The following CARD9 variants were observed in gnomAD, a reference collection of about 807,000 sequenced individuals.
CARD9 encodes the protein caspase recruitment domain-containing protein 9.
A neutral mutation model predicts 66.0 loss-of-function variants in CARD9; 53 were observed. The ratio of observed to expected loss-of-function variants is 0.80; its 90% CI spans 0.64 to 1.01. The LOEUF (loss-of-function observed/expected upper bound fraction) is 1.01. Among genes scored for constraint, CARD9 ranks in the 50% least tolerant of loss-of-function variants. CARD9 has a pLI of 0.00. For missense variants in CARD9, 769 were observed against 743.2 expected, an observed-to-expected ratio of 1.03 and a Z score of -0.40; for synonymous variants, 387 against 313.8, an observed-to-expected ratio of 1.23 and a Z score of -2.47.
rs1372834289 is a variant in CARD9, at chr9:136,367,659, T to C, written c.1247A>G (p.Gln416Arg). The change falls in exon 8 of 13, where the codon CAG (glutamine) becomes CGG (arginine). Residue 416 changes from glutamine (Q) to arginine (R), a missense_variant. Gln to Arg is a conservative substitution (Grantham distance 43). Transcript: ENST00000371732. The part of the protein sequence containing the change: ...LLAVEGRLRR[Q>R]QLETLVLSSD... ...CACCAGGACGAGCGTCTCCAGCTGC[T>C]GCCGCCTGAGCCTGCCCTCCACGGC... 2 of 1,594,162 alleles carry C rather than the reference T, an allele frequency of 1.3e-6. No homozygotes were observed. The highest frequency in any genetic ancestry group is 1.3e-5 in the African/African-American group (1 of 74,944).
Position 136,371,957 on chromosome 9 carries a change from T to C in CARD9, c.122A>G (p.Asn41Ser). The C allele has an allele frequency of 6.2e-7, 1 of 1,612,378 alleles. No individual in the cohort carries two copies. Among genetic ancestry groups the C allele is most frequent in the Non-Finnish European group, 8.5e-7 (1 of 1,179,576 alleles). ...GAGCACCTGCTCCTCATCATCGGGGTTCAGGACCTTGCACTGCCGCAGGTA... is the reference window on the plus strand; with the variant it reads ...GAGCACCTGCTCCTCATCATCGGGGCTCAGGACCTTGCACTGCCGCAGGTA... ...TPYLRQCKVLNPDDEEQVLSD... is the reference protein window; with the variant it reads ...TPYLRQCKVLSPDDEEQVLSD... The change falls in exon 2 of 13, where the codon AAC becomes AGC. Residue 41 changes from asparagine (N) to serine (S), a missense_variant. Coordinates refer to ENST00000371732, the MANE Select transcript of CARD9 (RefSeq NM_052813.5).
At chr9:136,367,979 G>A in intron 7 of CARD9, 151 bp from the exon 8 acceptor site, 1 of 1,430,218 alleles carries the variant, frequency 7.0e-7, no homozygotes, top group Non-Finnish European at 9.1e-7. Flanking sequence ...TGTGTGCTCT[G>A]CGGACACGAA....
chr9:136,369,250 C>T (rs1833198279), intron 7 of CARD9, among the ~76,000 whole-genome samples: 1 of 152,126 alleles, frequency 6.6e-6, no homozygotes, highest in Non-Finnish European at 1.5e-5. Flanking sequence ...GACACCACGT[C>T]CAGCCAAGCT....
rs1833056344 is a variant in CARD9, at chr9:136,364,230, G to A, written c.*72C>T. 2.6e-6 allele frequency: 4 copies of A among 1,550,356 alleles called. No homozygotes were observed. The highest frequency in any genetic ancestry group is 2.4e-5 in the South Asian group (2 of 84,064). ...CGGCTCGGGGAAGTCTGCGCCCCAG[G>A]GCGTCGGCACCCCCGGGTGGCAGGA... is the stretch of plus-strand genomic sequence containing the variant. On this transcript the variant is annotated 3_prime_UTR_variant, in exon 13 of 13. Coordinates refer to ENST00000371732, the MANE Select transcript of CARD9 (RefSeq NM_052813.5).
chr9:136,371,498 A>G, intron 2 of CARD9, 37 bp from the exon 3 acceptor site: 2 of 797,530 alleles, frequency 2.5e-6, no homozygotes, highest in Non-Finnish European at 1.9e-6. Context: ...GGCGGGGCAC[A>G]GGCGAGGCAG....
rs200458322 is a variant in CARD9 at position 136,370,446 on chromosome 9, G to A, written c.808-9C>T. 3.7e-6 allele frequency: 6 copies of A among 1,609,594 alleles called. No individual in the cohort carries two copies. The highest frequency in any genetic ancestry group is 2.2e-5 in the East Asian group (1 of 44,728). The stretch of plus-strand genomic sequence containing the variant: ...CTGTCCAGCTTCCCCTCCTGAAGGG[G>A]GCAAAAGGCAATGGCCTGGCTGGGA... On this transcript the variant is annotated splice_polypyrimidine_tract_variant and intron_variant, in intron 5 of 12. Coordinates refer to ENST00000371732, the MANE Select transcript of CARD9 (RefSeq NM_052813.5).
At chr9:136,372,286 G>C (rs979686496) in intron 1 of CARD9, among the ~76,000 whole-genome samples, 192 bp from the exon 2 acceptor site, 1 of 152,164 alleles carries the variant, frequency 6.6e-6, no homozygotes, top group Non-Finnish European at 1.5e-5. Context: ...AGGCAGCAGA[G>C]ACACAGTGAC....
At chr9:136,367,092 C>T in intron 9 of CARD9, 124 bp downstream of exon 9, 1 of 1,235,744 alleles carries the variant, frequency 8.1e-7, no homozygotes, top group South Asian at 1.3e-5. Context: ...TGCTCTTCCT[C>T]CACCCAGCCC....
In CARD9 at chr9:136,364,463, C is replaced by G; in HGVS notation, c.1511+20G>C. 6.5e-7 allele frequency: 1 copy of G among 1,540,606 alleles called. No homozygotes were observed. Among genetic ancestry groups the G allele is most frequent in the Non-Finnish European group, 8.7e-7 (1 of 1,146,892 alleles). ...CGCTCCCCAGCCCGTTTTGGAGAAG[C>G]CTGGGGGCCGCCCGCCTACCTGCGG... On this transcript the variant is annotated intron_variant, in intron 12 of 12. Coordinates refer to ENST00000371732, the MANE Select transcript of CARD9 (RefSeq NM_052813.5).
At position 136,370,396 on chromosome 9, in the gene CARD9, C is replaced by T; in HGVS notation, c.849G>A (p.Leu283=). ...LDRSSPYIQV[L]EEDWRQALRD... is the part of the protein sequence containing the mutation. ...GCAGCGCCTGCCGCCAGTCCTCCTCCAGTACCTGGATGTAGGGGCTGCTCC... is the reference window on the plus strand; with the variant it reads ...GCAGCGCCTGCCGCCAGTCCTCCTCTAGTACCTGGATGTAGGGGCTGCTCC... Residue 283 remains leucine (L), a synonymous_variant, in exon 6 of 13, where the codon CTG becomes CTA. Transcript: ENST00000371732. 1 of 1,611,360 alleles carries T rather than the reference C, an allele frequency of 6.2e-7. No individual in the cohort carries two copies. Among genetic ancestry groups the T allele is most frequent in the African/African-American group, 1.3e-5 (1 of 75,026 alleles).
chr9:136,364,791 G>A (rs943510864), intron 11 of CARD9: 9 of 605,114 alleles, frequency 1.5e-5, no homozygotes, highest in African/African-American at 3.7e-5. Context: ...GCCAAGCCAC[G>A]GCTCCAGCCT....
Position 136,364,263 on chromosome 9 carries a change from C to T in CARD9, c.*39G>A. 1 of 1,550,694 alleles carries T rather than the reference C, an allele frequency of 6.4e-7. No homozygotes were observed. Among genetic ancestry groups the T allele is most frequent in the South Asian group, 1.2e-5 (1 of 84,080 alleles). On this transcript the variant is annotated 3_prime_UTR_variant, in exon 13 of 13. Coordinates refer to ENST00000371732, the MANE Select transcript of CARD9 (RefSeq NM_052813.5). ...CACCCCCGGGTGGCAGGAGGCCGGG[C>T]CGGTGGGTGTGCCCTGGTCGGGGCC...
intron 9 of CARD9, 111 bp downstream of exon 9, chr9:136,367,091 TCCACCCAGCCCAGC>T: frequency 8.1e-7 from 1 of 1,233,960 alleles, no homozygotes; most frequent in Non-Finnish European, 1.2e-6. Flanking sequence ...CTGCTCTTCC[TCCACCCAGCCCAGC>T]CCACCGAGCA....
At chr9:136,373,462 T>C (rs1833323329) in intron 1 of CARD9, 70 bp downstream of exon 1, 1 of 979,764 alleles carries the variant, frequency 1.0e-6, no homozygotes, top group African/African-American at 1.8e-5. Flanking sequence ...GGGGGATCAG[T>C]GCCAGGATCC....
chr9:136,367,972 G>A lies in CARD9; in HGVS notation c.1078-144C>T. On this transcript the variant is annotated intron_variant, in intron 7 of 12. Transcript: ENST00000371732. ...GGCTGGTCACAGCCCCTCCATTTGT[G>A]TGCTCTGCGGACACGAAGTCAGCAC... 3 of 1,432,616 alleles carry A rather than the reference G, an allele frequency of 2.1e-6. No homozygotes were observed. The South Asian group carries it at 4.5e-5, about 21-fold the overall frequency. The allele number at this position is 1,432,616 out of a possible 1,614,324, so 88.7% of individuals were successfully genotyped here.
intron 11 of CARD9, 54 bp downstream of exon 11, chr9:136,365,087 A>ATCGG: frequency 6.4e-7 from 1 of 1,568,304 alleles, no homozygotes; most frequent in Non-Finnish European, 8.7e-7. Flanking sequence ...TCTCCCTGTG[A>ATCGG]TCGGTCACCC....
In CARD9 at chr9:136,370,948, C is replaced by T. The variant is rs753492242; in HGVS notation, c.520G>A (p.Glu174Lys). ...TTCTCCTCCTTGCAGCGCTTGAGCT[C>T]GCGGCTGCCGGCCTCGCACTCCTCC... ...LKEECEAGSR[E>K]LKRCKEENYD... The change falls in exon 4 of 13, where the codon GAG becomes AAG. Residue 174 changes from glutamate (E) to lysine (K), a missense_variant. Glu to Lys is a moderately conservative substitution (Grantham distance 56). Coordinates refer to ENST00000371732, the MANE Select transcript of CARD9 (RefSeq NM_052813.5). 18 of 1,611,468 alleles carry T rather than the reference C, an allele frequency of 1.1e-5. No individual in the cohort carries two copies. The highest frequency in any genetic ancestry group is 6.7e-5 in the Admixed American group (4 of 59,874).
rs1032242571 is a variant in CARD9 at position 136,372,637 on chromosome 9, C to G, written c.-16-543G>C. Among the ~76,000 whole-genome samples, 3 of 152,216 alleles carry G rather than the reference C, an allele frequency of 2.0e-5. No homozygotes were observed. The East Asian group carries it at 5.8e-4, about 29-fold the overall frequency. The stretch of plus-strand genomic sequence containing the variant: ...GGGGGAGCCGGTTCTTGTGGGACTT[C>G]CTCATTCCCCTGACCGACGCCTGCT... On this transcript the variant is annotated intron_variant, in intron 1 of 12. Coordinates refer to ENST00000371732, the MANE Select transcript of CARD9 (RefSeq NM_052813.5).
chr9:136,364,117 A>C lies in CARD9; in HGVS notation c.*185T>G. On this transcript the variant is annotated 3_prime_UTR_variant, in exon 13 of 13. Transcript: ENST00000371732. ...GCACCCGCATGGCCTCCGCAAAATG[A>C]GTGCCGCTTAACAAACGGCCCCAAT... 6.4e-7 allele frequency: 1 copy of C among 1,550,550 alleles called. No individual in the cohort carries two copies. The highest frequency in any genetic ancestry group is 8.7e-7 in the Non-Finnish European group (1 of 1,146,886).
Sources: gnomAD v4.1 joint callset for allele counts (sites outside exome capture counted in the v4.1 genomes callset) on GRCh38, gnomAD v4.1.1 for gene constraint, MANE v1.5 for transcripts, NCBI Gene and HGNC (gene_info 2026-07-23, HGNC 2026-07-21) for gene names.